The following INPP5B variants were observed in gnomAD, a reference collection of about 807,000 sequenced individuals.
INPP5B encodes the protein inositol polyphosphate-5-phosphatase B, also known as type II inositol 1,4,5-trisphosphate 5-phosphatase.
A neutral mutation model predicts 118.5 loss-of-function variants in INPP5B; 90 were observed. The ratio of observed to expected loss-of-function variants is 0.76; its 90% CI spans 0.64 to 0.90. The LOEUF (loss-of-function observed/expected upper bound fraction) is 0.90. INPP5B is among the 40% of genes least tolerant of loss of function. INPP5B has a pLI of 0.00. For missense variants in INPP5B, 984 were observed against 1,125.6 expected (o/e 0.87, Z 1.80); for synonymous variants, 385 against 418.9 (o/e 0.92, Z 0.99).
chr1:37,863,091 C>T (rs187707258), intron 23 of INPP5B, among the ~76,000 whole-genome samples: 5 of 151,870 alleles, frequency 3.3e-5, no homozygotes, highest in Admixed American at 6.6e-5. Context: ...GAGGCACGGG[C>T]GTTGGAGGGT....
intron 5 of INPP5B, 65 bp downstream of exon 5, chr1:37,943,575 T>C: frequency 6.4e-7 from 1 of 1,565,386 alleles, no homozygotes; most frequent in Non-Finnish European, 8.7e-7. Context: ...TTTACACCAT[T>C]CTTCTTTCTC....
intron 7 of INPP5B, among the ~76,000 whole-genome samples, chr1:37,916,269 C>T (rs1644857344): frequency 6.6e-6 from 1 of 151,618 alleles, no homozygotes; most frequent in Non-Finnish European, 1.5e-5. Flanking sequence ...TATTTTTGAA[C>T]TTTTAGTAGA....
chr1:37,894,494 A>C (rs1258734597), intron 7 of INPP5B, among the ~76,000 whole-genome samples: 3 of 152,078 alleles, frequency 2.0e-5, no homozygotes, highest in African/African-American at 7.2e-5. Flanking sequence ...TAGGCAGTAC[A>C]GTCACACAAT....
At chr1:37,888,513 C>T (rs908415378) in intron 9 of INPP5B, among the ~76,000 whole-genome samples, 169 bp from the exon 10 acceptor site, 1 of 152,178 alleles carries the variant, frequency 6.6e-6, no homozygotes, top group Non-Finnish European at 1.5e-5. Context: ...GAGTGACTTG[C>T]GGTCTGTCAT....
At chr1:37,922,969 T>G (rs1478634789) in intron 7 of INPP5B, among the ~76,000 whole-genome samples, 1 of 152,226 alleles carries the variant, frequency 6.6e-6, no homozygotes, top group Admixed American at 6.5e-5. Flanking sequence ...TCAGTGGGCC[T>G]TCTGTGAACT....
chr1:37,940,583 A>C, intron 6 of INPP5B, 105 bp downstream of exon 6: 2 of 678,276 alleles, frequency 2.9e-6, no homozygotes, highest in Non-Finnish European at 5.3e-6. Flanking sequence ...TCGAAAGGAC[A>C]CAGAAACCAT....
chr1:37,901,733 G>A (rs1344551233), intron 7 of INPP5B, among the ~76,000 whole-genome samples: 1 of 152,076 alleles, frequency 6.6e-6, no homozygotes. Context: ...CGGTCTTCTC[G>A]GAATCTCCTC....
rs751496922 is a variant in INPP5B at position 37,874,169 on chromosome 1, C to T, written c.1789-14G>A. 28 of 1,543,126 alleles carry T rather than the reference C, an allele frequency of 1.8e-5. 1 individual carries two copies. In the South Asian group the frequency reaches 2.4e-4, roughly 13 times the overall value. ...CTGAAAACAGAACTGGGAAGAAGCC[C>T]GGGGCCAGTGAAAACCAGTGCCCTT... On this transcript the variant is annotated splice_polypyrimidine_tract_variant and intron_variant, in intron 17 of 23. Coordinates refer to ENST00000373024, the MANE Select transcript of INPP5B (RefSeq NM_005540.3).
At chr1:37,926,621 A>C (rs995690925) in intron 7 of INPP5B, among the ~76,000 whole-genome samples, 14 of 152,208 alleles carry the variant, frequency 9.2e-5, no homozygotes, top group Non-Finnish European at 1.6e-4. Context: ...TTAAAAAAAA[A>C]CAAAATGTAT....
chr1:37,928,092 T>C (rs770191766), intron 7 of INPP5B, among the ~76,000 whole-genome samples: 1 of 152,110 alleles, frequency 6.6e-6, no homozygotes, highest in Non-Finnish European at 1.5e-5. Context: ...CTTACCTCTA[T>C]CTACGTATTA....
At chr1:37,942,102 T>C (rs1452561469) in intron 5 of INPP5B, 1 of 149,838 alleles carries the variant, frequency 6.7e-6, no homozygotes, top group Non-Finnish European at 1.5e-5. Flanking sequence ...AAAATGGAGA[T>C]GCAAACAGTG....
chr1:37,919,010 C>G (rs575710793), intron 7 of INPP5B, among the ~76,000 whole-genome samples: 1 of 152,190 alleles, frequency 6.6e-6, no homozygotes, highest in Non-Finnish European at 1.5e-5. Context: ...CAGACATGCT[C>G]AAGGACATAG....
chr1:37,891,680 A>C (rs1284942678), intron 7 of INPP5B, among the ~76,000 whole-genome samples: 1 of 152,174 alleles, frequency 6.6e-6, no homozygotes, highest in Admixed American at 6.5e-5. Context: ...AGGCTGAGGC[A>C]GGAGAATCGC....
chr1:37,895,066 CTG>C (rs1175681038), intron 7 of INPP5B, among the ~76,000 whole-genome samples: 1 of 152,146 alleles, frequency 6.6e-6, no homozygotes, highest in Non-Finnish European at 1.5e-5. Context: ...TTTACTCTCA[CTG>C]AGCTATAATA....
At chr1:37,936,753 C>G (rs924775281) in intron 6 of INPP5B, among the ~76,000 whole-genome samples, 1 of 148,602 alleles carries the variant, frequency 6.7e-6, no homozygotes, top group Non-Finnish European at 1.5e-5. Context: ...GACAGAGTCT[C>G]GCTCTGTCAC....
At chr1:37,883,458 TAGA>T (rs1220406455) in intron 13 of INPP5B, 3 of 985,324 alleles carry the variant, frequency 3.0e-6, no homozygotes, top group Non-Finnish European at 3.6e-6. Flanking sequence ...GAGTGGAGTG[TAGA>T]AGGTGTTTGA....
intron 17 of INPP5B, among the ~76,000 whole-genome samples, chr1:37,874,828 C>T (rs1316084126): frequency 2.0e-5 from 3 of 152,114 alleles, no homozygotes; most frequent in Non-Finnish European, 4.4e-5. Flanking sequence ...ACGCCTTCAC[C>T]TTAAACCCCA....
intron 19 of INPP5B, among the ~76,000 whole-genome samples, chr1:37,871,155 C>CA (rs34490677): frequency 0.33 from 16,010 of 48,696 alleles, 2,504 homozygotes; most frequent in Non-Finnish European, 0.36. Context: ...AAGACTGTCT[C>CA]AAAAAAAAAA....
At chr1:37,944,160 T>C (rs922134054) in intron 3 of INPP5B, among the ~76,000 whole-genome samples, 5 of 152,194 alleles carry the variant, frequency 3.3e-5, no homozygotes, top group Non-Finnish European at 7.3e-5. Context: ...GATCTAACCA[T>C]GGTGCATTCT....
Sources: gnomAD v4.1 joint callset for allele counts (sites outside exome capture counted in the v4.1 genomes callset) on GRCh38, gnomAD v4.1.1 for gene constraint, MANE v1.5 for transcripts, NCBI Gene and HGNC (gene_info 2026-07-23, HGNC 2026-07-21) for gene names.